SEC24B: variants seen among roughly 807,000 people sequenced by gnomAD.
The protein encoded by SEC24B is protein transport protein Sec24B.
In SEC24B, 45 loss-of-function variants were observed where a neutral mutation model predicts 142.8. The ratio of observed to expected loss-of-function variants is 0.32; its 90% confidence interval spans 0.25 to 0.40. SEC24B has a LOEUF of 0.40. SEC24B is among the 10% of genes least tolerant of loss of function. The pLI is 1.00. For missense variants in SEC24B, 1,409 were observed against 1,526.8 expected (o/e 0.92, Z 1.29); for synonymous variants, 574 against 568.2 (o/e 1.01, Z -0.15).
chr4:109,516,668 C>CATATGTGTATGTTATATATAT, intron 11 of SEC24B, 28 bp downstream of exon 11: 1 of 1,220,710 alleles, frequency 8.2e-7, no homozygotes, highest in Non-Finnish European at 1.2e-6. Context: ...TCATACTATA[C>CATATGTGTATGTTATATATAT]ATATGTGTAT....
At chr4:109,529,739 A>G (rs939003198) in intron 18 of SEC24B, among the ~76,000 whole-genome samples, 5 of 152,140 alleles carry the variant, frequency 3.3e-5, no homozygotes, top group Admixed American at 6.6e-5. Context: ...TAGGGGCTAC[A>G]TGTTTTGGGG....
intron 3 of SEC24B, among the ~76,000 whole-genome samples, chr4:109,473,837 G>A (rs901857448): frequency 3.3e-5 from 5 of 152,078 alleles, no homozygotes; most frequent in African/African-American, 1.2e-4. Context: ...GATGTTTCAG[G>A]TTAATATATG....
intron 5 of SEC24B, among the ~76,000 whole-genome samples, chr4:109,492,270 G>A (rs887538094): frequency 6.6e-6 from 1 of 151,826 alleles, no homozygotes; most frequent in Admixed American, 6.6e-5. Context: ...TTGAATAAAC[G>A]ACTCAGTTTT....
intron 14 of SEC24B, among the ~76,000 whole-genome samples, chr4:109,523,914 A>G (rs914523483): frequency 2.0e-5 from 3 of 152,184 alleles, no homozygotes; most frequent in African/African-American, 4.8e-5. Flanking sequence ...CTAGAGAAAA[A>G]AAGGCACCAT....
chr4:109,438,831 T>C (rs1365124758), intron 1 of SEC24B, among the ~76,000 whole-genome samples: 10 of 152,222 alleles, frequency 6.6e-5, no homozygotes, highest in Non-Finnish European at 1.5e-4. Context: ...TATCCTTCAT[T>C]TTTCATTGAG....
intron 2 of SEC24B, among the ~76,000 whole-genome samples, chr4:109,466,566 A>G (rs944099174): frequency 2.6e-5 from 4 of 152,046 alleles, no homozygotes; most frequent in Non-Finnish European, 4.4e-5. Context: ...ACCCGCCACC[A>G]CACCTGGCTA....
intron 1 of SEC24B, among the ~76,000 whole-genome samples, chr4:109,452,179 A>G (rs1045124253): frequency 1.3e-5 from 2 of 152,124 alleles, no homozygotes; most frequent in African/African-American, 2.4e-5. Context: ...AAACGGAACC[A>G]TATAATATGT....
intron 6 of SEC24B, among the ~76,000 whole-genome samples, chr4:109,506,012 G>C (rs902332690): frequency 6.6e-6 from 1 of 152,132 alleles, no homozygotes; most frequent in Non-Finnish European, 1.5e-5. Flanking sequence ...ATTGGGGGAG[G>C]GGAACCTTGA....
rs1724236149 is a variant in SEC24B, at chr4:109,526,440, TC to T, written c.2965+43del. ...ATGAAATATAGTCTGCAGCAGTAAT[TC>T]CTCCCTCCTTTCACATGGCCTTTAG... is the stretch of plus-strand genomic sequence containing the variant. On this transcript the variant is annotated intron_variant, in intron 17 of 23. Coordinates refer to ENST00000265175, the MANE Select transcript of SEC24B (RefSeq NM_006323.5). 4 of 1,474,504 alleles carry T rather than the reference TC, an allele frequency of 2.7e-6. No individual in the cohort carries two copies. In the East Asian group the frequency reaches 7.0e-5, roughly 26 times the overall value. The allele number at this position is 1,474,504 out of a possible 1,614,324, so 91.3% of individuals were successfully genotyped here.
At chr4:109,455,920 A>C (rs1217115170) in intron 1 of SEC24B, among the ~76,000 whole-genome samples, 4 of 152,146 alleles carry the variant, frequency 2.6e-5, no homozygotes, top group East Asian at 3.8e-4. Flanking sequence ...TACAAAAAAA[A>C]CCTGCTGGTG....
intron 10 of SEC24B, among the ~76,000 whole-genome samples, chr4:109,515,529 T>C (rs1343470878): frequency 2.0e-5 from 3 of 152,188 alleles, no homozygotes; most frequent in Non-Finnish European, 4.4e-5. Flanking sequence ...GGTTTTACCA[T>C]GTTGCTCAGA....
intron 3 of SEC24B, among the ~76,000 whole-genome samples, chr4:109,475,164 A>G (rs1441263848): frequency 6.6e-6 from 1 of 152,256 alleles, no homozygotes; most frequent in Non-Finnish European, 1.5e-5. Flanking sequence ...TTGCTTAAGT[A>G]ACAGAAAATA....
At chr4:109,441,694 G>A (rs1319327393) in intron 1 of SEC24B, among the ~76,000 whole-genome samples, 2 of 150,044 alleles carry the variant, frequency 1.3e-5, no homozygotes, top group Admixed American at 6.6e-5. Context: ...ATTACAGCGT[G>A]AGCCACCATG....
At chr4:109,450,590 G>A (rs1729965563) in intron 1 of SEC24B, among the ~76,000 whole-genome samples, 2 of 150,862 alleles carry the variant, frequency 1.3e-5, no homozygotes, top group Non-Finnish European at 3.0e-5. Flanking sequence ...CCCAGGGGGT[G>A]GAGGTTGCAG....
chr4:109,451,572 C>G (rs1211446255), intron 1 of SEC24B, among the ~76,000 whole-genome samples: 5 of 152,096 alleles, frequency 3.3e-5, no homozygotes, highest in Admixed American at 6.6e-5. Flanking sequence ...GTTGTTTGGC[C>G]ACTTCCTTAC....
At position 109,533,581 on chromosome 4, in the gene SEC24B, T is replaced by C; in HGVS notation, c.3496-12T>C. ...TAGGGAGTTTTAATATTTTGTTGCT[T>C]TTTCTTTTTAGGTTTTTTACATTTG... On this transcript the variant is annotated splice_polypyrimidine_tract_variant and intron_variant, in intron 21 of 23. Coordinates refer to ENST00000265175, the MANE Select transcript of SEC24B (RefSeq NM_006323.5). 4 of 1,581,124 alleles carry C rather than the reference T, an allele frequency of 2.5e-6. No individual in the cohort carries two copies. Among genetic ancestry groups the C allele is most frequent in the Non-Finnish European group, 3.5e-6 (4 of 1,151,936 alleles).
In SEC24B at chr4:109,505,859, G is replaced by T. The variant is rs767411461; in HGVS notation, c.1489-469G>T. On this transcript the variant is annotated intron_variant, in intron 6 of 23. Coordinates refer to ENST00000265175, the MANE Select transcript of SEC24B (RefSeq NM_006323.5). ...GTAGTTTGAACATCATAAGAATAAT[G>T]ACTGTAATTCATTACATCAGTTTGA... Among the ~76,000 whole-genome samples, 5 of 152,270 alleles carry T rather than the reference G, an allele frequency of 3.3e-5. No homozygotes were observed. The South Asian group carries it at 1.0e-3, about 32-fold the overall frequency.
rs112750595 is a variant in SEC24B at position 109,531,369 on chromosome 4, A to G, written c.3253-16A>G. ...ATTTGTATTTTACTTGAAAACGTTTATCTTTTTCCTTGTAGAAAGCATTTA... is the reference window on the plus strand; with the variant it reads ...ATTTGTATTTTACTTGAAAACGTTTGTCTTTTTCCTTGTAGAAAGCATTTA... On this transcript the variant is annotated splice_polypyrimidine_tract_variant and intron_variant, in intron 19 of 23. Coordinates refer to ENST00000265175, the MANE Select transcript of SEC24B (RefSeq NM_006323.5). 5.0e-6 allele frequency: 8 copies of G among 1,592,450 alleles called. No individual in the cohort carries two copies. Among genetic ancestry groups the G allele is most frequent in the Middle Eastern group, 1.7e-4 (1 of 5,962 alleles).
intron 6 of SEC24B, 68 bp from the exon 7 acceptor site, chr4:109,506,259 TG>T: frequency 1.8e-6 from 2 of 1,120,154 alleles, no homozygotes; most frequent in Non-Finnish European, 2.4e-6. Context: ...TGTTGAGATA[TG>T]TAGTATATAT....
Sources: gnomAD v4.1 joint callset for allele counts (sites outside exome capture counted in the v4.1 genomes callset) on GRCh38, gnomAD v4.1.1 for gene constraint, MANE v1.5 for transcripts, NCBI Gene and HGNC (gene_info 2026-07-23, HGNC 2026-07-21) for gene names.